Variants in MAPK10 observed in about 807,000 individuals in gnomAD.
MAPK10 encodes JNK3 alpha protein kinase.
MAPK10 carries 25 observed loss-of-function variants against 59.3 expected under a neutral mutation model. The observed-to-expected ratio is 0.42, with a 90% CI of 0.31 to 0.59. The LOEUF is 0.59. MAPK10 is among the 20% of genes least tolerant of loss of function. The pLI is 0.15. For missense variants in MAPK10, 351 were observed against 568.9 expected, an observed-to-expected ratio of 0.62 and a Z score of 3.90; for synonymous variants, 190 against 200.5, an observed-to-expected ratio of 0.95 and a Z score of 0.44.
intron 4 of MAPK10, chr4:86,124,211 T>C (rs1412841845): frequency 1.3e-5 from 2 of 151,980 alleles, no homozygotes; most frequent in Non-Finnish European, 2.9e-5. Flanking sequence ...ACTCTGAATT[T>C]GTTGTGGTGC....
intron 2 of MAPK10, among the ~76,000 whole-genome samples, chr4:86,231,578 G>A (rs994864457): frequency 2.6e-5 from 4 of 151,942 alleles, no homozygotes; most frequent in Admixed American, 6.6e-5. Context: ...CAGGAGAATC[G>A]CTTGAACCTG....
At chr4:86,272,584 T>C (rs1030340767) in intron 2 of MAPK10, among the ~76,000 whole-genome samples, 2 of 152,064 alleles carry the variant, frequency 1.3e-5, no homozygotes, top group Non-Finnish European at 2.9e-5. Flanking sequence ...ACTAGATATC[T>C]AAGATCAGCA....
intron 2 of MAPK10, among the ~76,000 whole-genome samples, chr4:86,198,244 C>T (rs915418838): frequency 1.3e-5 from 2 of 151,698 alleles, no homozygotes; most frequent in African/African-American, 4.8e-5. Context: ...GACTATGGGG[C>T]GGGCTCTCTG....
intron 3 of MAPK10, among the ~76,000 whole-genome samples, chr4:86,165,414 G>C (rs368336855): frequency 2.0e-5 from 3 of 152,012 alleles, no homozygotes; most frequent in Non-Finnish European, 4.4e-5. Context: ...GTCTCGCTCT[G>C]TCATCCAGCC....
At chr4:86,528,220 C>T (rs1269856361) in intron 1 of MAPK10, among the ~76,000 whole-genome samples, 1 of 151,734 alleles carries the variant, frequency 6.6e-6, no homozygotes, top group East Asian at 1.9e-4. Flanking sequence ...GAAATGTAAC[C>T]ATAGAATGTG....
intron 4 of MAPK10, among the ~76,000 whole-genome samples, chr4:86,133,601 A>G (rs1022766058): frequency 1.3e-5 from 2 of 152,236 alleles, no homozygotes; most frequent in African/African-American, 4.8e-5. Flanking sequence ...ATGTGTCTAC[A>G]GTTTTATGTT....
intron 5 of MAPK10, 106 bp downstream of exon 5, chr4:86,107,117 G>T: frequency 2.4e-6 from 2 of 819,518 alleles, no homozygotes; most frequent in East Asian, 5.1e-5. Flanking sequence ...TTAAGAGGCA[G>T]GAATTGCAAA....
chr4:86,363,868 G>C (rs932533964), upstream of MAPK10, among the ~76,000 whole-genome samples: 1 of 148,636 alleles, frequency 6.7e-6, no homozygotes, highest in Non-Finnish European at 1.5e-5. Flanking sequence ...CTGCACCTTT[G>C]ACCTCCTGGC....
At chr4:86,021,620 T>C (rs1188962995) in intron 13 of MAPK10, among the ~76,000 whole-genome samples, 2 of 152,186 alleles carry the variant, frequency 1.3e-5, no homozygotes, top group African/African-American at 4.8e-5. Flanking sequence ...TCCTCAGCCC[T>C]TGGGTGGTCG....
At chr4:86,044,605 T>C (rs540144298) in intron 11 of MAPK10, 29 of 395,358 alleles carry the variant, frequency 7.3e-5, no homozygotes, top group African/African-American at 3.9e-4. Context: ...TGGACAGATA[T>C]ATCATATACT....
chr4:86,460,127 G>A (rs913004923), intron 1 of MAPK10, among the ~76,000 whole-genome samples: 1 of 151,994 alleles, frequency 6.6e-6, no homozygotes, highest in African/African-American at 2.4e-5. Context: ...GTCTTCTATG[G>A]GTTTCAGCAA....
At chr4:86,459,139 T>C (rs1305409699) in intron 1 of MAPK10, among the ~76,000 whole-genome samples, 1 of 152,172 alleles carries the variant, frequency 6.6e-6, no homozygotes, top group East Asian at 1.9e-4. Context: ...GATATACAAA[T>C]GGACAACAAA....
intron 1 of MAPK10, among the ~76,000 whole-genome samples, chr4:86,429,998 T>G (rs953224694): frequency 2.6e-5 from 4 of 152,180 alleles, no homozygotes; most frequent in African/African-American, 9.7e-5. Flanking sequence ...TTGAAGTTAT[T>G]TTTGGTTGGG....
chr4:86,126,396 A>G (rs2149127943), intron 4 of MAPK10, among the ~76,000 whole-genome samples: 1 of 152,102 alleles, frequency 6.6e-6, no homozygotes, highest in African/African-American at 2.4e-5. Context: ...ATTTTTATCT[A>G]TCCTCAAAGT....
chr4:86,019,286 A>G (rs1322969659), intron 13 of MAPK10, among the ~76,000 whole-genome samples: 2 of 152,126 alleles, frequency 1.3e-5, no homozygotes, highest in African/African-American at 4.8e-5. Flanking sequence ...TTATATACAG[A>G]AAAGCTTATG....
chr4:86,333,003 A>T (rs1483676413), intron 2 of MAPK10, among the ~76,000 whole-genome samples: 1 of 151,992 alleles, frequency 6.6e-6, no homozygotes, highest in Non-Finnish European at 1.5e-5. Context: ...GATCTTCAGG[A>T]TCTTGCTATT....
chr4:86,474,651 T>C (rs901342621), intron 1 of MAPK10, among the ~76,000 whole-genome samples: 2 of 152,222 alleles, frequency 1.3e-5, no homozygotes, highest in African/African-American at 4.8e-5. Flanking sequence ...CACCCCAGTT[T>C]AGTTTACAAA....
At chr4:86,221,494 T>A (rs991066244) in intron 2 of MAPK10, among the ~76,000 whole-genome samples, 39 of 151,410 alleles carry the variant, frequency 2.6e-4, no homozygotes, top group African/African-American at 9.3e-4. Context: ...TTTTTTTTTA[T>A]AAAAACAGGG....
intron 2 of MAPK10, among the ~76,000 whole-genome samples, chr4:86,330,616 CT>C (rs1247186744): frequency 2.6e-5 from 4 of 152,146 alleles, no homozygotes. Flanking sequence ...AGCACTTCCC[CT>C]TCCTATCATC....
Sources: gnomAD v4.1 joint callset for allele counts (sites outside exome capture counted in the v4.1 genomes callset) on GRCh38, gnomAD v4.1.1 for gene constraint, MANE v1.5 for transcripts, NCBI Gene and HGNC (gene_info 2026-07-23, HGNC 2026-07-21) for gene names.